BICC1: variants seen among roughly 807,000 people sequenced by gnomAD.
BICC1 encodes BicC family RNA binding protein 1, also known as protein bicaudal C homolog 1.
Under a neutral mutation model 111.0 loss-of-function variants are expected in BICC1, and 43 were observed. That is an observed-to-expected ratio of 0.39 (90% CI 0.30 to 0.50). BICC1 has a LOEUF of 0.50. Ranked by LOEUF, BICC1 falls within the 20% of genes least tolerant of loss-of-function variation. The pLI, the probability that BICC1 is intolerant of heterozygous loss-of-function variation, is 0.88. For synonymous variants in BICC1, 467 were observed against 434.4 expected, an observed-to-expected ratio of 1.07 and a Z score of -0.93; for missense variants, 1,091 against 1,203.2, an observed-to-expected ratio of 0.91 and a Z score of 1.38.
intron 1 of BICC1, among the ~76,000 whole-genome samples, chr10:58,521,889 A>G (rs1370545711): frequency 2.7e-5 from 4 of 149,590 alleles, no homozygotes; most frequent in Non-Finnish European, 4.4e-5. Flanking sequence ...CATTTTGGAA[A>G]GAATCTTTTG....
At chr10:58,536,245 C>G (rs1293766116) in intron 1 of BICC1, among the ~76,000 whole-genome samples, 2 of 151,612 alleles carry the variant, frequency 1.3e-5, no homozygotes, top group Non-Finnish European at 3.0e-5. Flanking sequence ...ACATTCTACT[C>G]AAGAACTACC....
intron 1 of BICC1, among the ~76,000 whole-genome samples, chr10:58,588,600 T>A (rs1057000278): frequency 3.3e-5 from 5 of 152,300 alleles, no homozygotes; most frequent in Non-Finnish European, 7.4e-5. Context: ...GTTTGTGGCA[T>A]TCTGGAGCCA....
intron 2 of BICC1, among the ~76,000 whole-genome samples, chr10:58,621,622 G>A (rs1725453594): frequency 6.6e-6 from 1 of 152,106 alleles, no homozygotes; most frequent in Admixed American, 6.6e-5. Context: ...AGACCAGCCT[G>A]GGGCAGGGCA....
At chr10:58,636,792 C>T (rs920649802) in intron 2 of BICC1, among the ~76,000 whole-genome samples, 4 of 152,068 alleles carry the variant, frequency 2.6e-5, no homozygotes, top group African/African-American at 7.2e-5. Flanking sequence ...TTCAGTTCTC[C>T]TGCTTAGAAA....
intron 1 of BICC1, among the ~76,000 whole-genome samples, chr10:58,591,161 A>G (rs1391342651): frequency 2.0e-5 from 3 of 152,128 alleles, no homozygotes; most frequent in African/African-American, 7.2e-5. Context: ...GTTGCTTTAG[A>G]TGCTGTTGAG....
chr10:58,567,968 A>G (rs1843822813), intron 1 of BICC1, among the ~76,000 whole-genome samples: 1 of 152,120 alleles, frequency 6.6e-6, no homozygotes, highest in Non-Finnish European at 1.5e-5. Context: ...CAAAATGCTC[A>G]GGGGACAATG....
intron 2 of BICC1, among the ~76,000 whole-genome samples, chr10:58,647,288 A>G (rs1020642861): frequency 6.6e-6 from 1 of 152,224 alleles, no homozygotes. Context: ...TATAGTAACT[A>G]TTGAAAACAG....
intron 3 of BICC1, among the ~76,000 whole-genome samples, chr10:58,784,698 AT>A (rs1255832801): frequency 1.3e-5 from 2 of 148,650 alleles, no homozygotes; most frequent in Non-Finnish European, 3.0e-5. Context: ...ATAAAAAAAA[AT>A]TATATGATAT....
At chr10:58,796,736 A>G (rs1843367023) in intron 10 of BICC1, among the ~76,000 whole-genome samples, 3 of 152,220 alleles carry the variant, frequency 2.0e-5, no homozygotes, top group South Asian at 2.1e-4. Context: ...CCATGTTTGC[A>G]TAAATAATCA....
At chr10:58,791,589 A>T (rs2132821208) in intron 8 of BICC1, among the ~76,000 whole-genome samples, 2 of 152,178 alleles carry the variant, frequency 1.3e-5, no homozygotes, top group East Asian at 1.9e-4. Context: ...TACACAGAAA[A>T]GTTAGCCGGG....
chr10:58,598,782 T>G (rs1423788386), intron 1 of BICC1, among the ~76,000 whole-genome samples: 2 of 152,034 alleles, frequency 1.3e-5, no homozygotes, highest in African/African-American at 4.8e-5. Context: ...ATACTCAGAA[T>G]CTACAAAGAG....
At chr10:58,555,810 G>T (rs1036835664) in intron 1 of BICC1, among the ~76,000 whole-genome samples, 1 of 152,068 alleles carries the variant, frequency 6.6e-6, no homozygotes, top group African/African-American at 2.4e-5. Flanking sequence ...TTGGATTACT[G>T]GAGAATCAAG....
chr10:58,531,581 A>T (rs147659941), intron 1 of BICC1, among the ~76,000 whole-genome samples: 1 of 152,002 alleles, frequency 6.6e-6, no homozygotes, highest in African/African-American at 2.4e-5. Context: ...CCGTAAACTG[A>T]CCCAAAAGAA....
chr10:58,794,451 C>T (rs1322948877), intron 9 of BICC1, among the ~76,000 whole-genome samples: 1 of 149,860 alleles, frequency 6.7e-6, no homozygotes, highest in Non-Finnish European at 1.5e-5. Context: ...CAGGGTCTCA[C>T]TTTATCACCA....
rs67834722 is a variant in BICC1 at position 58,580,027 on chromosome 10, ATT to A, written c.191-40814_191-40813del. Among the ~76,000 whole-genome samples, 622 of 144,526 alleles carry A rather than the reference ATT, an allele frequency of 4.3e-3. 1 individual carries two copies. Among genetic ancestry groups the A allele is most frequent in the Admixed American group, 0.013 (195 of 14,604 alleles). The allele number at this position is 144,526 out of a possible 152,430, so 94.8% of individuals were successfully genotyped here. ...TAACAAGAAAGCTGTCCTCTTAGCAATTTTTTTTTTTTTTTCCAGACAGAATC... is the reference window on the plus strand; with the variant it reads ...TAACAAGAAAGCTGTCCTCTTAGCAATTTTTTTTTTTTTCCAGACAGAATC... On this transcript the variant is annotated intron_variant, in intron 1 of 20. Transcript: ENST00000373886.
intron 3 of BICC1, among the ~76,000 whole-genome samples, chr10:58,711,463 A>T (rs1471502417): frequency 6.6e-6 from 1 of 152,244 alleles, no homozygotes; most frequent in Non-Finnish European, 1.5e-5. Flanking sequence ...AGTGCCAAAC[A>T]TGCACATTTG....
At chr10:58,814,875 A>G (rs1168155706) in intron 18 of BICC1, among the ~76,000 whole-genome samples, 1 of 152,160 alleles carries the variant, frequency 6.6e-6, no homozygotes, top group Non-Finnish European at 1.5e-5. Flanking sequence ...GCGGGTGGCT[A>G]CTAAAGGTGA....
intron 1 of BICC1, among the ~76,000 whole-genome samples, chr10:58,618,031 CCA>C (rs1038710673): frequency 3.4e-4 from 52 of 152,338 alleles, no homozygotes; most frequent in African/African-American, 1.2e-3. Context: ...GCATGTGTCC[CCA>C]CTAGAAAAAC....
intron 8 of BICC1, 111 bp downstream of exon 8, chr10:58,790,044 C>A: frequency 8.1e-7 from 1 of 1,235,682 alleles, no homozygotes; most frequent in Non-Finnish European, 1.1e-6. Context: ...TCGGAAGCCT[C>A]GTCAAATAAG....
Sources: allele counts gnomAD v4.1 joint callset (sites outside exome capture counted in the v4.1 genomes callset), GRCh38; gene constraint gnomAD v4.1.1; transcripts MANE v1.5; gene names NCBI Gene and HGNC (gene_info 2026-07-23, HGNC 2026-07-21).